Variants in STAT3 observed in about 807,000 individuals in gnomAD.
STAT3 encodes signal transducer and activator of transcription 3.
Under a neutral mutation model 114.3 loss-of-function variants are expected in STAT3, and 7 were observed. The ratio of observed to expected loss-of-function variants is 0.06; its 90% confidence interval spans 0.03 to 0.11. The LOEUF is 0.11. Among genes scored for constraint, STAT3 ranks in the 10% least tolerant of loss-of-function variants. The pLI is 1.00. For synonymous variants in STAT3, 331 were observed against 354.5 expected (o/e 0.93, Z 0.74); for missense variants, 364 against 960.9 (o/e 0.38, Z 8.21).
chr17:42,369,339 T>C (rs1035939292), intron 1 of STAT3, among the ~76,000 whole-genome samples: 2 of 152,036 alleles, frequency 1.3e-5, no homozygotes, highest in Admixed American at 6.6e-5. Flanking sequence ...GCCTGGGCAA[T>C]AGAGCAAGAC....
At chr17:42,318,552 C>T (rs989231707) in intron 21 of STAT3, among the ~76,000 whole-genome samples, 2 of 152,062 alleles carry the variant, frequency 1.3e-5, no homozygotes, top group Non-Finnish European at 2.9e-5. Context: ...AATGCGTTGA[C>T]GGGAATAAAA....
At chr17:42,317,842 G>A (rs1006693401) in intron 21 of STAT3, among the ~76,000 whole-genome samples, 1 of 152,204 alleles carries the variant, frequency 6.6e-6, no homozygotes, top group Non-Finnish European at 1.5e-5. Context: ...AAGAGAATGT[G>A]ACTTTGTAAG....
chr17:42,331,442 GA>G (rs1353813364), intron 11 of STAT3, 29 bp downstream of exon 11: 2 of 1,587,094 alleles, frequency 1.3e-6, no homozygotes, highest in Non-Finnish European at 1.7e-6. Flanking sequence ...TTCCTCATTT[GA>G]AAAACAGAGC....
intron 4 of STAT3, among the ~76,000 whole-genome samples, chr17:42,344,884 A>C (rs2082625427): frequency 6.6e-6 from 1 of 151,940 alleles, no homozygotes; most frequent in Admixed American, 6.6e-5. Flanking sequence ...GGATTTTTCC[A>C]GCCTCATAAA....
intron 1 of STAT3, among the ~76,000 whole-genome samples, chr17:42,379,942 T>C (rs1019425381): frequency 1.3e-5 from 2 of 152,232 alleles, no homozygotes; most frequent in African/African-American, 4.8e-5. Context: ...TTCTCTCCTT[T>C]GGGTCATTAG....
rs540114461 is a variant in STAT3, at chr17:42,315,310, A to G, written c.*435T>C. The G allele has an allele frequency of 5.4e-6, 2 of 372,460 alleles. No homozygotes were observed. Among genetic ancestry groups the G allele is most frequent in the Middle Eastern group, 7.9e-4 (1 of 1,268 alleles). 23.1% of individuals were successfully genotyped at this position (372,460 alleles called of 1,614,324 possible). On this transcript the variant is annotated 3_prime_UTR_variant, in exon 24 of 24. Transcript: ENST00000264657. ...GGTTAAAAAGTGCAATGCCAGGAGT[A>G]TGTAGCTATAGGTGGCCTGTGGCAT...
At chr17:42,373,140 A>G (rs919720628) in intron 1 of STAT3, among the ~76,000 whole-genome samples, 1 of 152,244 alleles carries the variant, frequency 6.6e-6, no homozygotes, top group Non-Finnish European at 1.5e-5. Flanking sequence ...TCACGAGGTC[A>G]AGAGATCGAG....
chr17:42,364,928 C>A (rs2083697420), intron 1 of STAT3, among the ~76,000 whole-genome samples: 1 of 152,132 alleles, frequency 6.6e-6, no homozygotes, highest in African/African-American at 2.4e-5. Context: ...TAGTCCTGGT[C>A]ACTTACATGG....
rs1196027016 is a variant in STAT3 at position 42,316,893 on chromosome 17, C to T, written c.2153G>A (p.Cys718Tyr). The part of the protein sequence containing the change: ...TKFICVTPTT[C>Y]SNTIDLPMSP... ...CATCGGCAGGTCAATGGTATTGCTG[C>T]AGGTCGTTCTGTAGGAAATGGGGGG... Residue 718 changes from cysteine (C) to tyrosine (Y), a missense_variant, in exon 23 of 24, where the codon TGC becomes TAC. Coordinates refer to ENST00000264657, the MANE Select transcript of STAT3 (RefSeq NM_139276.3). The T allele has an allele frequency of 6.2e-7, 1 of 1,609,934 alleles. No homozygotes were observed. The highest frequency in any genetic ancestry group is 8.5e-7 in the Non-Finnish European group (1 of 1,179,092).
chr17:42,370,053 C>T (rs534498699), intron 1 of STAT3, among the ~76,000 whole-genome samples: 5 of 152,016 alleles, frequency 3.3e-5, no homozygotes, highest in South Asian at 2.1e-4. Flanking sequence ...TTCACTGTAA[C>T]CTCCACCTCC....
Position 42,367,553 on chromosome 17 carries a change from T to C in STAT3, c.-23-19014A>G, listed in dbSNP as rs567066660. On this transcript the variant is annotated intron_variant, in intron 1 of 23. Coordinates refer to ENST00000264657, the MANE Select transcript of STAT3 (RefSeq NM_139276.3). ...CCGTTTCTGCCCTAGGACTCTTCTCTCCACCTGATAGGCTCTTTCCCTAGA... is the reference window on the plus strand; with the variant it reads ...CCGTTTCTGCCCTAGGACTCTTCTCCCCACCTGATAGGCTCTTTCCCTAGA... Among the ~76,000 whole-genome samples the C allele has an allele frequency of 2.4e-4, 36 of 152,086 alleles. No individual in the cohort carries two copies. The South Asian group carries it at 6.8e-3, about 29-fold the overall frequency.
At position 42,321,445 on chromosome 17, in the gene STAT3, T is replaced by A. The variant is rs76094424; in HGVS notation, c.2101+837A>T. Among the ~76,000 whole-genome samples the A allele has an allele frequency of 9.9e-3, 1,509 of 152,166 alleles. 41 individuals are homozygous for A. Among genetic ancestry groups the A allele is most frequent in the East Asian group, 0.081 (421 of 5,184 alleles). ...CAGCTAAAATAATTTATATATAACA[T>A]ATAAGTACATGTCCTCTTACACATT... is the stretch of plus-strand genomic sequence containing the variant. On this transcript the variant is annotated intron_variant, in intron 21 of 23. Transcript: ENST00000264657.
chr17:42,337,367 C>A lies in STAT3; in HGVS notation c.797+68G>T. On this transcript the variant is annotated intron_variant, in intron 8 of 23. Coordinates refer to ENST00000264657, the MANE Select transcript of STAT3 (RefSeq NM_139276.3). The surrounding 1 kb of genome is among the most constrained non-coding windows in gnomAD (Gnocchi z 4.0). ...GGAGATATAGTACCAATTCTGTGGGCCTGCAGTTAAGATCAGAATTCAATC... is the reference window on the plus strand; with the variant it reads ...GGAGATATAGTACCAATTCTGTGGGACTGCAGTTAAGATCAGAATTCAATC... The A allele has an allele frequency of 6.3e-7, 1 of 1,592,634 alleles. No homozygotes were observed. Among genetic ancestry groups the A allele is most frequent in the Admixed American group, 1.7e-5 (1 of 58,444 alleles).
chr17:42,331,838 G>A (rs1023992170), intron 10 of STAT3, among the ~76,000 whole-genome samples: 3 of 152,108 alleles, frequency 2.0e-5, no homozygotes, highest in Non-Finnish European at 4.4e-5. Flanking sequence ...TGAGGCAAGA[G>A]GATCACTTGT....
intron 21 of STAT3, among the ~76,000 whole-genome samples, chr17:42,319,761 TGGAAATAGAGA>T (rs1567705066): frequency 6.6e-6 from 1 of 151,878 alleles, no homozygotes; most frequent in Non-Finnish European, 1.5e-5. Flanking sequence ...ACTCTTGTGA[TGGAAATAGAGA>T]GGAAATGGTC....
chr17:42,383,812 G>T (rs983707870), intron 1 of STAT3, among the ~76,000 whole-genome samples: 1 of 152,182 alleles, frequency 6.6e-6, no homozygotes, highest in African/African-American at 2.4e-5. Flanking sequence ...AAGTTATGGT[G>T]AAATTTTTAA....
intron 14 of STAT3, among the ~76,000 whole-genome samples, chr17:42,326,805 G>C (rs2081747404): frequency 6.6e-6 from 1 of 152,180 alleles, no homozygotes; most frequent in Non-Finnish European, 1.5e-5. Flanking sequence ...GGGTGACAGA[G>C]TGAGACTCTG....
intron 1 of STAT3, among the ~76,000 whole-genome samples, chr17:42,376,243 G>C (rs2084451434): frequency 6.6e-6 from 1 of 152,172 alleles, no homozygotes; most frequent in Non-Finnish European, 1.5e-5. Flanking sequence ...TCTGTTCAGG[G>C]AAAGCAACTG....
chr17:42,352,810 T>A (rs2083035842), intron 1 of STAT3, among the ~76,000 whole-genome samples: 1 of 152,152 alleles, frequency 6.6e-6, no homozygotes, highest in African/African-American at 2.4e-5. Context: ...ACCTACACAG[T>A]CCAGTATGGA....
Sources: gnomAD v4.1 joint callset for allele counts (sites outside exome capture counted in the v4.1 genomes callset) on GRCh38, gnomAD v4.1.1 for gene constraint, Gnocchi (gnomAD v3.1) non-coding constraint, MANE v1.5 for transcripts, NCBI Gene and HGNC (gene_info 2026-07-23, HGNC 2026-07-21) for gene names.